DARS2: variants seen among roughly 807,000 people sequenced by gnomAD.
The protein encoded by DARS2 is aspartate--tRNA ligase, mitochondrial.
In DARS2, 63 loss-of-function variants were observed where a neutral mutation model predicts 83.0. The ratio of observed to expected loss-of-function variants is 0.76; its 90% CI spans 0.62 to 0.94. The LOEUF is 0.94. Among genes scored for constraint, DARS2 ranks in the 40% least tolerant of loss-of-function variants. The probability of loss-of-function intolerance (pLI) is 0.00; values close to 1 mark genes in which losing one functional copy is unlikely to be tolerated. For synonymous variants in DARS2, 250 were observed against 269.3 expected, an observed-to-expected ratio of 0.93 and a Z score of 0.70; for missense variants, 675 against 774.4, an observed-to-expected ratio of 0.87 and a Z score of 1.52.
At chr1:173,828,045 A>G (rs1652649080) in intron 2 of DARS2, among the ~76,000 whole-genome samples, 1 of 152,172 alleles carries the variant, frequency 6.6e-6, no homozygotes, top group Non-Finnish European at 1.5e-5. Context: ...TTTTTCATTA[A>G]TAAGCCATCT....
intron 9 of DARS2, among the ~76,000 whole-genome samples, chr1:173,838,796 C>T (rs1380612053): frequency 6.6e-6 from 1 of 151,960 alleles, no homozygotes; most frequent in African/African-American, 2.4e-5. Context: ...AGTGCAGTGG[C>T]GCGGTCTCAG....
intron 2 of DARS2, 64 bp downstream of exon 2, chr1:173,826,850 T>G: frequency 8.6e-7 from 1 of 1,163,962 alleles, no homozygotes; most frequent in Non-Finnish European, 1.3e-6. Flanking sequence ...TTCCAAACCT[T>G]TACTAATTTA....
At position 173,853,266 on chromosome 1, in the gene DARS2, G is replaced by C. The variant is rs1446429844; in HGVS notation, c.1345-83G>C. On this transcript the variant is annotated intron_variant, in intron 13 of 16. Coordinates refer to ENST00000649689, the MANE Select transcript of DARS2 (RefSeq NM_018122.5). ...TTGGCTAATCCTTTCCTAGAGAATG[G>C]CCTGGCTTCGGAATCCAGGCTGTGT... The C allele has an allele frequency of 2.9e-5, 39 of 1,348,850 alleles. No individual in the cohort carries two copies. The East Asian group carries it at 8.9e-4, about 31-fold the overall frequency. The allele number at this position is 1,348,850 out of a possible 1,614,324, so 83.6% of individuals were successfully genotyped here.
chr1:173,828,447 TGCTGGGGTAA>T, intron 3 of DARS2, 48 bp downstream of exon 3: 1 of 1,537,596 alleles, frequency 6.5e-7, no homozygotes, highest in Non-Finnish European at 9.0e-7. Flanking sequence ...TTGATGCTAT[TGCTGGGGTAA>T]GCTAAGTAGT....
chr1:173,847,694 C>G (rs1653487228), intron 12 of DARS2, among the ~76,000 whole-genome samples: 1 of 151,990 alleles, frequency 6.6e-6, no homozygotes, highest in Non-Finnish European at 1.5e-5. Flanking sequence ...GCCAGAGTAT[C>G]TCTGTTTTTG....
intron 8 of DARS2, among the ~76,000 whole-genome samples, chr1:173,837,786 T>G (rs1393581778): frequency 6.6e-6 from 1 of 152,166 alleles, no homozygotes; most frequent in African/African-American, 2.4e-5. Flanking sequence ...TACTTTTTTT[T>G]TTTTGAGACA....
intron 8 of DARS2, among the ~76,000 whole-genome samples, chr1:173,837,808 C>G (rs542518962): frequency 1.3e-5 from 2 of 151,772 alleles, no homozygotes; most frequent in South Asian, 4.2e-4. Flanking sequence ...AGTCTTTGCT[C>G]TGTCACCCAA....
At chr1:173,845,987 C>T (rs1653419766) in intron 12 of DARS2, among the ~76,000 whole-genome samples, 1 of 152,086 alleles carries the variant, frequency 6.6e-6, no homozygotes, top group Admixed American at 6.5e-5. Flanking sequence ...GAAACCCCGT[C>T]TCTACTAAAA....
rs1653919447 is a variant in DARS2 at position 173,858,005 on chromosome 1, T to C, written c.*300T>C. 1 of 390,334 alleles carries C rather than the reference T, an allele frequency of 2.6e-6. No individual in the cohort carries two copies. The highest frequency in any genetic ancestry group is 5.8e-5 in the East Asian group (1 of 17,148). 24.2% of individuals were successfully genotyped at this position (390,334 alleles called of 1,614,324 possible). A position where few individuals can be genotyped will look rare whatever the true frequency, so the allele number is the denominator to read the frequency against. The stretch of plus-strand genomic sequence containing the variant: ...AGTGGTTTAGTGTTTTCAAATCATG[T>C]TTCTCATACCCAGATAGTAGATTAT... On this transcript the variant is annotated 3_prime_UTR_variant, in exon 17 of 17. Coordinates refer to ENST00000649689, the MANE Select transcript of DARS2 (RefSeq NM_018122.5).
chr1:173,853,658 G>C, intron 14 of DARS2, 91 bp downstream of exon 14: 1 of 1,532,486 alleles, frequency 6.5e-7, no homozygotes, highest in Non-Finnish European at 9.0e-7. Context: ...ATAGGACCCA[G>C]TTCTGGAAGC....
At chr1:173,855,672 T>A (rs546833100) in intron 15 of DARS2, among the ~76,000 whole-genome samples, 22 of 151,882 alleles carry the variant, frequency 1.4e-4, no homozygotes, top group African/African-American at 5.3e-4. Flanking sequence ...ACATTACTTT[T>A]TTCTTTTTCT....
intron 7 of DARS2, among the ~76,000 whole-genome samples, chr1:173,836,662 A>C (rs531762185): frequency 6.6e-6 from 1 of 152,332 alleles, no homozygotes; most frequent in South Asian, 2.1e-4. Context: ...ATAGGAAATG[A>C]TACACAAAAT....
chr1:173,857,490 A>G, intron 16 of DARS2, 28 bp from the exon 17 acceptor site: 1 of 1,601,338 alleles, frequency 6.2e-7, no homozygotes, highest in Non-Finnish European at 8.6e-7. Flanking sequence ...TACATTTCTC[A>G]TCTGTTATCT....
intron 3 of DARS2, among the ~76,000 whole-genome samples, chr1:173,829,737 G>A (rs562336276): frequency 4.6e-5 from 7 of 152,034 alleles, no homozygotes; most frequent in South Asian, 4.2e-4. Context: ...GTGAAACCCC[G>A]TCTCTACTAA....
chr1:173,857,461 G>A lies in DARS2; in HGVS notation c.1751-57G>A, dbSNP rs563028409. ...TCTACAACTTTTATAGAAAAACTAA[G>A]TTATTTCCAACATTAGATTACATTT... On this transcript the variant is annotated intron_variant, in intron 16 of 16. Coordinates refer to ENST00000649689, the MANE Select transcript of DARS2 (RefSeq NM_018122.5). 12 of 1,551,212 alleles carry A rather than the reference G, an allele frequency of 7.7e-6. No homozygotes were observed. The African/African-American group carries it at 1.6e-4, about 21-fold the overall frequency.
chr1:173,856,554 T>G lies in DARS2; in HGVS notation c.1675-112T>G, dbSNP rs2295366. On this transcript the variant is annotated intron_variant, in intron 15 of 16. Transcript: ENST00000649689. ...AAACTTTTATTATTGGTTAAGTCAGTTTTAGCTGTTTTAAAACTCAACTTT... is the reference window on the plus strand; with the variant it reads ...AAACTTTTATTATTGGTTAAGTCAGGTTTAGCTGTTTTAAAACTCAACTTT... The G allele has an allele frequency of 0.27, 238,796 of 897,482 alleles. 34,368 individuals carry two copies. The highest frequency in any genetic ancestry group is 0.5 in the African/African-American group (30,359 of 60,258). The allele number at this position is 897,482 out of a possible 1,614,324, so 55.6% of individuals were successfully genotyped here.
chr1:173,826,440 A>T (rs1652567924), intron 1 of DARS2, among the ~76,000 whole-genome samples: 1 of 152,156 alleles, frequency 6.6e-6, no homozygotes, highest in South Asian at 2.1e-4. Context: ...GATCAAAAAA[A>T]TTTTGATTTC....
At chr1:173,828,639 A>G (rs751462664) in intron 3 of DARS2, among the ~76,000 whole-genome samples, 2 of 152,256 alleles carry the variant, frequency 1.3e-5, no homozygotes, top group Non-Finnish European at 2.9e-5. Flanking sequence ...TGTAGACATA[A>G]TGAAAGTATG....
rs572878883 is a variant in DARS2 at position 173,840,893 on chromosome 1, A to G, written c.1048A>G (p.Asn350Asp). 1 of 1,611,574 alleles carries G rather than the reference A, an allele frequency of 6.2e-7. No homozygotes were observed. Among genetic ancestry groups the G allele is most frequent in the East Asian group, 2.2e-5 (1 of 44,834 alleles). Residue 350 changes from asparagine (N) to aspartate (D), a missense_variant, in exon 11 of 17, where the codon AAC becomes GAC. Coordinates refer to ENST00000649689, the MANE Select transcript of DARS2 (RefSeq NM_018122.5). ...KIIDISDVFRNTEIGFLQDAL... is the reference protein window; with the variant it reads ...KIIDISDVFRDTEIGFLQDAL... ...TATAGATATCAGTGATGTGTTTAGA[A>G]ACACAGAGATTGGATTTCTTCAAGA...
Sources: allele counts gnomAD v4.1 joint callset (sites outside exome capture counted in the v4.1 genomes callset), GRCh38; gene constraint gnomAD v4.1.1; transcripts MANE v1.5; gene names NCBI Gene and HGNC (gene_info 2026-07-23, HGNC 2026-07-21).